ELF2: variants seen among roughly 807,000 people sequenced by gnomAD.
The protein encoded by ELF2 is E74 like ETS transcription factor 2, also known as ETS-related transcription factor Elf-2.
In ELF2, 11 loss-of-function variants were observed where a neutral mutation model predicts 54.8. That is an observed-to-expected ratio of 0.20 (90% CI 0.13 to 0.33). ELF2 has a LOEUF of 0.33. ELF2 is among the 10% of genes least tolerant of loss of function. The probability of loss-of-function intolerance (pLI) is 1.00; values close to 1 mark genes in which losing one functional copy is unlikely to be tolerated. For synonymous variants in ELF2, 203 were observed against 245.1 expected, an observed-to-expected ratio of 0.83 and a Z score of 1.61; for missense variants, 513 against 703.0, an observed-to-expected ratio of 0.73 and a Z score of 3.06.
chr4:139,064,952 A>C (rs1728468790), intron 7 of ELF2, among the ~76,000 whole-genome samples: 1 of 152,212 alleles, frequency 6.6e-6, no homozygotes, highest in African/African-American at 2.4e-5. Flanking sequence ...TTGTATCTCT[A>C]GGACCCTATT....
At chr4:139,136,339 A>C (rs1457630134) in intron 3 of ELF2, among the ~76,000 whole-genome samples, 3 of 152,178 alleles carry the variant, frequency 2.0e-5, no homozygotes, top group Admixed American at 6.5e-5. Context: ...AAGAAAAAGA[A>C]GACCTTCACT....
chr4:139,083,931 C>T (rs1731566199), intron 4 of ELF2, among the ~76,000 whole-genome samples: 1 of 152,238 alleles, frequency 6.6e-6, no homozygotes, highest in Admixed American at 6.5e-5. Flanking sequence ...GGATTCGAGG[C>T]AGGTTACTCT....
intron 3 of ELF2, 91 bp from the exon 4 acceptor site, chr4:139,125,420 G>A (rs1560839903): frequency 2.1e-5 from 30 of 1,441,548 alleles, no homozygotes; most frequent in Non-Finnish European, 9.3e-7. Context: ...GTCTCGAGCA[G>A]TCCACATAAT....
intron 3 of ELF2, among the ~76,000 whole-genome samples, chr4:139,128,844 AT>A (rs1253902530): frequency 1.3e-5 from 2 of 151,458 alleles, no homozygotes; most frequent in Admixed American, 6.6e-5. Context: ...TAACGACCAA[AT>A]TCTATTTCAG....
intron 4 of ELF2, among the ~76,000 whole-genome samples, chr4:139,104,555 T>TA (rs1734233229): frequency 6.7e-6 from 1 of 148,854 alleles, no homozygotes; most frequent in Admixed American, 6.7e-5. Context: ...TATAGGAATG[T>TA]AAAAAATTTA....
chr4:139,151,036 G>GAAAGAAAGAAAGAAAGAAAGA (rs1739869688), intron 1 of ELF2, among the ~76,000 whole-genome samples: 1 of 30,110 alleles, frequency 3.3e-5, no homozygotes, highest in African/African-American at 7.9e-5. Context: ...AAAAAAAAAA[G>GAAAGAAAGAAAGAAAGAAAGA]AAAGAAAGAA....
chr4:139,173,346 C>T (rs1742520834), intron 1 of ELF2, among the ~76,000 whole-genome samples: 2 of 152,034 alleles, frequency 1.3e-5, no homozygotes, highest in South Asian at 4.1e-4. Context: ...TACACAAAAA[C>T]ATGAATATTC....
At chr4:139,122,496 T>TTTTTGTTTTG (rs55655731) in intron 4 of ELF2, among the ~76,000 whole-genome samples, 115,647 of 150,484 alleles carry the variant, frequency 0.77, 45,354 homozygotes, top group African/African-American at 0.9. Flanking sequence ...CTTTTTTTAG[T>TTTTTGTTTTG]TTTTGTTTTG....
At chr4:139,143,058 G>A (rs531778935) in intron 1 of ELF2, among the ~76,000 whole-genome samples, 19 of 152,220 alleles carry the variant, frequency 1.2e-4, no homozygotes, top group Non-Finnish European at 1.9e-4. Context: ...CAATTGCACT[G>A]GCAGAATCTA....
At chr4:139,071,782 A>G in intron 6 of ELF2, 84 bp downstream of exon 6, 1 of 1,255,536 alleles carries the variant, frequency 8.0e-7, no homozygotes, top group Non-Finnish European at 1.1e-6. Flanking sequence ...TACAGCATAT[A>G]CTACTTTCTA....
intron 1 of ELF2, among the ~76,000 whole-genome samples, chr4:139,172,782 T>A (rs1271140939): frequency 2.0e-5 from 3 of 147,968 alleles, no homozygotes; most frequent in Non-Finnish European, 4.4e-5. Flanking sequence ...TTAAACTTTA[T>A]CCTAGGTATA....
intron 6 of ELF2, among the ~76,000 whole-genome samples, chr4:139,068,897 G>A (rs975805174): frequency 6.7e-6 from 1 of 148,368 alleles, no homozygotes; most frequent in Non-Finnish European, 1.5e-5. Context: ...TTTTTTTTAA[G>A]AGATGGAGTC....
At chr4:139,177,436 C>G (rs1313738020), upstream of ELF2, among the ~76,000 whole-genome samples, 1 of 151,870 alleles carries the variant, frequency 6.6e-6, no homozygotes, top group African/African-American at 2.4e-5. Flanking sequence ...ATTTATACCC[C>G]GCGGGGCCCC....
chr4:139,174,908 T>G (rs1185088745), intron 1 of ELF2, among the ~76,000 whole-genome samples: 1 of 152,192 alleles, frequency 6.6e-6, no homozygotes, highest in Non-Finnish European at 1.5e-5. Flanking sequence ...CACAAGCCAC[T>G]GCACCCAGCA....
At chr4:139,121,233 C>T (rs866162110) in intron 4 of ELF2, among the ~76,000 whole-genome samples, 86 of 150,186 alleles carry the variant, frequency 5.7e-4, no homozygotes, top group African/African-American at 1.9e-3. Context: ...CTCAGCCTCC[C>T]GAGTAGCTGG....
At position 139,083,650 on chromosome 4, in the gene ELF2, C is replaced by G. The variant is rs111568068; in HGVS notation, c.239-10083G>C. ...TGTGGACGAAGTCTGAAGGGAGAAC[C>G]GAGCGGGGGTGGCGAGCGTTCGCCG... On this transcript the variant is annotated intron_variant, in intron 4 of 9. Transcript: ENST00000686138. Among the ~76,000 whole-genome samples the G allele has an allele frequency of 1.1e-4, 16 of 152,324 alleles. 1 individual carries two copies. The highest frequency in any genetic ancestry group is 3.6e-4 in the African/African-American group (15 of 41,572).
At chr4:139,064,125 A>G (rs1342256751) in intron 7 of ELF2, among the ~76,000 whole-genome samples, 1 of 152,176 alleles carries the variant, frequency 6.6e-6, no homozygotes, top group African/African-American at 2.4e-5. Flanking sequence ...CCTGGCCAAC[A>G]TGGTAAAACC....
intron 4 of ELF2, among the ~76,000 whole-genome samples, chr4:139,107,825 T>C (rs1391641398): frequency 1.3e-5 from 2 of 152,154 alleles, no homozygotes; most frequent in Non-Finnish European, 2.9e-5. Flanking sequence ...TAGCACCACA[T>C]GATAAAACTG....
chr4:139,092,417 A>C lies in ELF2; in HGVS notation c.239-18850T>G, dbSNP rs200387917. Among the ~76,000 whole-genome samples the C allele has an allele frequency of 6.9e-5, 4 of 58,020 alleles. No individual in the cohort carries two copies. The Admixed American group carries it at 8.4e-4, about 12-fold the overall frequency. 38.1% of individuals were successfully genotyped at this position (58,020 alleles called of 152,430 possible). On this transcript the variant is annotated intron_variant, in intron 4 of 9. Transcript: ENST00000686138. ...CATAACATAACATAACATAACATAC[A>C]TAACATAACATAACATAACATAACA...
Sources: allele counts gnomAD v4.1 joint callset (sites outside exome capture counted in the v4.1 genomes callset), GRCh38; gene constraint gnomAD v4.1.1; transcripts MANE v1.5; gene names NCBI Gene and HGNC (gene_info 2026-07-23, HGNC 2026-07-21).